Variants in EPHA5 observed in about 807,000 individuals in gnomAD.
EPHA5 encodes the protein ephrin type-A receptor 5.
EPHA5 carries 60 observed loss-of-function variants against 105.0 expected under a neutral mutation model. The ratio of observed to expected loss-of-function variants is 0.57; its 90% confidence interval spans 0.46 to 0.71. EPHA5 has a LOEUF of 0.71. Among genes scored for constraint, EPHA5 ranks in the 30% least tolerant of loss-of-function variants. The pLI is 0.00. For missense variants in EPHA5, 1,218 were observed against 1,274.7 expected (o/e 0.96, Z 0.68); for synonymous variants, 513 against 449.1 (o/e 1.14, Z -1.80).
intron 7 of EPHA5, among the ~76,000 whole-genome samples, chr4:65,411,260 T>C (rs1722882667): frequency 6.6e-6 from 1 of 152,076 alleles, no homozygotes; most frequent in Non-Finnish European, 1.5e-5. Context: ...TTCCTGTTGG[T>C]ACTACTGTTT....
intron 8 of EPHA5, among the ~76,000 whole-genome samples, chr4:65,389,685 T>C (rs1477004485): frequency 6.6e-6 from 1 of 151,986 alleles, no homozygotes; most frequent in East Asian, 1.9e-4. Flanking sequence ...TCAAGGGGAA[T>C]AGGCATAGCA....
chr4:65,340,524 A>G (rs1207229260), intron 14 of EPHA5, among the ~76,000 whole-genome samples: 1 of 152,118 alleles, frequency 6.6e-6, no homozygotes, highest in Non-Finnish European at 1.5e-5. Context: ...GAATTAGATC[A>G]GACCACCAGT....
At chr4:65,506,497 C>T (rs190960973) in intron 3 of EPHA5, among the ~76,000 whole-genome samples, 1 of 145,486 alleles carries the variant, frequency 6.9e-6, no homozygotes. Context: ...TTCTCCGCAT[C>T]CTCTCCAGCA....
intron 3 of EPHA5, among the ~76,000 whole-genome samples, chr4:65,513,326 A>G (rs1195985131): frequency 6.6e-6 from 1 of 152,076 alleles, no homozygotes; most frequent in Non-Finnish European, 1.5e-5. Context: ...AATTATTCCT[A>G]ATTCTGATGA....
At chr4:65,393,269 G>A (rs1720898525) in intron 8 of EPHA5, among the ~76,000 whole-genome samples, 1 of 152,122 alleles carries the variant, frequency 6.6e-6, no homozygotes, top group South Asian at 2.1e-4. Context: ...GAGTTCCTAT[G>A]GTGTTGGTCA....
chr4:65,408,605 G>A (rs1722603500), intron 7 of EPHA5, among the ~76,000 whole-genome samples: 1 of 152,022 alleles, frequency 6.6e-6, no homozygotes, highest in South Asian at 2.1e-4. Context: ...ACCATCACTG[G>A]CCATCAGAGA....
At chr4:65,453,109 T>C (rs1219902102) in intron 5 of EPHA5, among the ~76,000 whole-genome samples, 4 of 152,200 alleles carry the variant, frequency 2.6e-5, no homozygotes, top group African/African-American at 7.2e-5. Context: ...ATACTCGTAA[T>C]GTAAGCTGTT....
chr4:65,347,954 C>A, intron 14 of EPHA5, 100 bp downstream of exon 14: 1 of 1,224,448 alleles, frequency 8.2e-7, no homozygotes, highest in South Asian at 1.7e-5. Flanking sequence ...ATTTCATTTT[C>A]TTAAGCAACT....
intron 16 of EPHA5, among the ~76,000 whole-genome samples, chr4:65,329,810 T>TGAC (rs1491509511): frequency 1.1e-4 from 3 of 26,452 alleles, no homozygotes; most frequent in Non-Finnish European, 2.6e-4. Flanking sequence ...AATGACTGAC[T>TGAC]TTTTTTTTTT....
chr4:65,335,383 A>G (rs762036739), intron 15 of EPHA5, among the ~76,000 whole-genome samples: 7 of 152,046 alleles, frequency 4.6e-5, no homozygotes, highest in Non-Finnish European at 1.5e-5. Context: ...TCTCCACAAG[A>G]TTACTCATTT....
intron 3 of EPHA5, among the ~76,000 whole-genome samples, chr4:65,572,026 TAAC>T (rs1194519628): frequency 6.6e-6 from 1 of 152,038 alleles, no homozygotes; most frequent in Admixed American, 6.6e-5. Flanking sequence ...ATTTTTGAAT[TAAC>T]AAAAATACTG....
Position 65,495,371 on chromosome 4 carries a change from T to C in EPHA5, c.1066+17A>G. On this transcript the variant is annotated intron_variant, in intron 4 of 16. Coordinates refer to ENST00000613740, the MANE Select transcript of EPHA5 (RefSeq NM_001281766.3). ...TGGTTAAAGTTAGCACCACCAAATA[T>C]CCGTGGGTTTCCTTACTTGTGCATG... The C allele has an allele frequency of 6.2e-7, 1 of 1,608,280 alleles. No homozygotes were observed. Among genetic ancestry groups the C allele is most frequent in the Non-Finnish European group, 8.5e-7 (1 of 1,177,178 alleles).
At chr4:65,663,614 G>A (rs925896628) in intron 1 of EPHA5, among the ~76,000 whole-genome samples, 1 of 151,818 alleles carries the variant, frequency 6.6e-6, no homozygotes, top group Non-Finnish European at 1.5e-5. Context: ...TGTTTAAGAT[G>A]GTAATGAAAT....
chr4:65,437,362 A>T (rs1338959332), intron 5 of EPHA5, among the ~76,000 whole-genome samples: 2 of 152,040 alleles, frequency 1.3e-5, no homozygotes. Context: ...AAAACTTCCC[A>T]AATAGGCCTT....
intron 5 of EPHA5, among the ~76,000 whole-genome samples, chr4:65,479,143 T>C (rs1303743510): frequency 6.6e-6 from 1 of 152,320 alleles, no homozygotes; most frequent in Admixed American, 6.5e-5. Context: ...TATAGTAACA[T>C]TTATTTACAC....
intron 3 of EPHA5, among the ~76,000 whole-genome samples, chr4:65,523,394 T>G (rs1056465047): frequency 1.3e-5 from 2 of 151,996 alleles, no homozygotes; most frequent in Non-Finnish European, 2.9e-5. Flanking sequence ...ATATTTCATC[T>G]CTCTTTGCTA....
chr4:65,329,011 A>G (rs1156421502), intron 16 of EPHA5, among the ~76,000 whole-genome samples: 1 of 151,228 alleles, frequency 6.6e-6, no homozygotes, highest in East Asian at 1.9e-4. Context: ...ATTTAAATTG[A>G]TTGGATTTTG....
chr4:65,435,624 T>G (rs979057768), intron 5 of EPHA5, among the ~76,000 whole-genome samples: 1 of 152,098 alleles, frequency 6.6e-6, no homozygotes, highest in East Asian at 1.9e-4. Context: ...CCGCTTGTTA[T>G]CTGAAAAATC....
At chr4:65,528,688 T>G (rs888440718) in intron 3 of EPHA5, among the ~76,000 whole-genome samples, 1 of 152,190 alleles carries the variant, frequency 6.6e-6, no homozygotes, top group Non-Finnish European at 1.5e-5. Context: ...TTATTTTTTT[T>G]CCAACTTTGG....
Sources: gnomAD v4.1 joint callset for allele counts (sites outside exome capture counted in the v4.1 genomes callset) on GRCh38, gnomAD v4.1.1 for gene constraint, MANE v1.5 for transcripts, NCBI Gene and HGNC (gene_info 2026-07-23, HGNC 2026-07-21) for gene names.